BAZ2A: variants seen among roughly 807,000 people sequenced by gnomAD.
BAZ2A encodes bromodomain adjacent to zinc finger domain protein 2A.
A neutral mutation model predicts 199.9 loss-of-function variants in BAZ2A; 34 were observed. That is an observed-to-expected ratio of 0.17 (90% CI 0.13 to 0.23). The LOEUF (loss-of-function observed/expected upper bound fraction) is 0.23, where lower values mean the gene tolerates loss of function less well. Among genes scored for constraint, BAZ2A ranks in the 10% least tolerant of loss-of-function variants. The pLI is 1.00. For missense variants in BAZ2A, 2,002 were observed against 2,391.1 expected (o/e 0.84, Z 3.39); for synonymous variants, 857 against 883.9 (o/e 0.97, Z 0.54).
intron 12 of BAZ2A, 43 bp from the exon 13 acceptor site, chr12:56,606,106 A>C (rs1179582231): frequency 1.3e-6 from 2 of 1,551,146 alleles, no homozygotes; most frequent in Admixed American, 2.0e-5. Context: ...TAAAGATATC[A>C]GTCACTATCC....
At chr12:56,625,403 G>A (rs183356160) in intron 1 of BAZ2A, among the ~76,000 whole-genome samples, 65 of 151,940 alleles carry the variant, frequency 4.3e-4, no homozygotes, top group African/African-American at 1.4e-3. Context: ...TGATCCGCAC[G>A]CCTCAGCCTC....
At chr12:56,636,447 G>T, upstream of BAZ2A, 1 of 1,203,782 alleles carries the variant, frequency 8.3e-7, no homozygotes, top group Non-Finnish European at 1.1e-6. Context: ...GCGAGGACAG[G>T]GCAGACCAGG....
intron 10 of BAZ2A, among the ~76,000 whole-genome samples, chr12:56,607,923 A>C (rs540046336): frequency 6.6e-6 from 1 of 152,114 alleles, no homozygotes; most frequent in Non-Finnish European, 1.5e-5. Context: ...TCTACTAAAA[A>C]TACAAAATTA....
intron 1 of BAZ2A, among the ~76,000 whole-genome samples, chr12:56,622,354 A>G (rs995487029): frequency 6.6e-6 from 1 of 152,082 alleles, no homozygotes; most frequent in Non-Finnish European, 1.5e-5. Flanking sequence ...AAAAAAAGAT[A>G]ATCAGGTCTA....
At position 56,595,905 on chromosome 12, in the gene BAZ2A, A is replaced by G. The variant is rs955227362; in HGVS notation, c.*2713T>C. On this transcript the variant is annotated 3_prime_UTR_variant, in exon 29 of 29. Coordinates refer to ENST00000549884, the MANE Select transcript of BAZ2A (RefSeq NM_001300905.2). ...CTCCCCCTCAGGTGTGTAGAAGGGA[A>G]GATGAATACACAGAGTCTTTTGAAT... 4.3e-5 allele frequency: 3 copies of G among 70,464 alleles called. No individual in the cohort carries two copies. Among genetic ancestry groups the G allele is most frequent in the African/African-American group, 1.5e-4 (3 of 20,218 alleles). 4.4% of individuals were successfully genotyped at this position (70,464 alleles called of 1,614,324 possible). A position where few individuals can be genotyped will look rare whatever the true frequency, so the allele number is the denominator to read the frequency against.
At chr12:56,600,144 A>C (rs1886300030) in intron 24 of BAZ2A, 48 bp from the exon 25 acceptor site, 3 of 1,612,400 alleles carry the variant, frequency 1.9e-6, no homozygotes, top group Non-Finnish European at 2.5e-6. Context: ...GATCCACTAA[A>C]GAGGGAACTT....
In BAZ2A at chr12:56,611,627, A is replaced by T; in HGVS notation, c.1616T>A (p.Val539Asp). The change falls in exon 7 of 29, where the codon GTC (valine) becomes GAC (aspartate). Residue 539 changes from valine (V) to aspartate (D), a missense_variant. By Grantham distance (152) the Val-to-Asp change is radical. Transcript: ENST00000549884. ...EGLTASGSGDVMRRRIATPEE... is the reference protein window; with the variant it reads ...EGLTASGSGDDMRRRIATPEE... ...TGGGGTAGCAATACGTCTCCTCATG[A>T]CATCACCTTGGGAGGAAGGGATACC... is the stretch of plus-strand genomic sequence containing the variant. 5.0e-6 allele frequency: 8 copies of T among 1,606,348 alleles called. No individual in the cohort carries two copies. Among genetic ancestry groups the T allele is most frequent in the Non-Finnish European group, 6.8e-6 (8 of 1,177,414 alleles).
At chr12:56,610,281 C>T in intron 8 of BAZ2A, 66 bp from the exon 9 acceptor site, 1 of 1,593,474 alleles carries the variant, frequency 6.3e-7, no homozygotes, top group East Asian at 2.2e-5. Context: ...CCAGCAAAGG[C>T]ATAAGCAGAA....
intron 7 of BAZ2A, chr12:56,611,219 GT>G (rs1285586974): frequency 2.8e-6 from 1 of 359,308 alleles, no homozygotes; most frequent in Non-Finnish European, 5.1e-6. Context: ...CAATTCATTA[GT>G]ACTAAGTCAC....
intron 16 of BAZ2A, 83 bp from the exon 17 acceptor site, chr12:56,603,783 C>A: frequency 6.7e-7 from 1 of 1,483,460 alleles, no homozygotes; most frequent in Non-Finnish European, 9.2e-7. Flanking sequence ...GAGGCCAAGA[C>A]AGGCGGATCA....
rs1885781430 is a variant in BAZ2A, at chr12:56,596,043, CT to C, written c.*2574del. 1 of 148,130 alleles carries C rather than the reference CT, an allele frequency of 6.8e-6. No homozygotes were observed. Among genetic ancestry groups the C allele is most frequent in the Non-Finnish European group, 1.5e-5 (1 of 66,872 alleles). The allele number at this position is 148,130 out of a possible 1,614,324, so 9.2% of individuals were successfully genotyped here. ...AGTTTTTTCGCTAGACTTTTTTTTT[CT>C]TTTTAACCTTATTAAAAATGAGATT... On this transcript the variant is annotated 3_prime_UTR_variant, in exon 29 of 29. Coordinates refer to ENST00000549884, the MANE Select transcript of BAZ2A (RefSeq NM_001300905.2).
At chr12:56,603,055 A>G (rs1184929864) in intron 18 of BAZ2A, among the ~76,000 whole-genome samples, 198 bp from the exon 19 acceptor site, 1 of 152,218 alleles carries the variant, frequency 6.6e-6, no homozygotes, top group East Asian at 1.9e-4. Context: ...AGGCCAAGGC[A>G]GGTGGATTGC....
intron 1 of BAZ2A, among the ~76,000 whole-genome samples, chr12:56,629,310 G>A (rs1162748666): frequency 1.3e-5 from 2 of 152,154 alleles, no homozygotes; most frequent in Non-Finnish European, 2.9e-5. Context: ...AAGGACAACT[G>A]CTATTGACAT....
upstream of BAZ2A, among the ~76,000 whole-genome samples, chr12:56,633,848 G>A (rs1275487775): frequency 6.6e-6 from 1 of 152,074 alleles, no homozygotes; most frequent in Non-Finnish European, 1.5e-5. Flanking sequence ...AGCCTGCCAG[G>A]TTCAAGCGAT....
In BAZ2A at chr12:56,611,945, G is replaced by A. The variant is rs759160325; in HGVS notation, c.1437C>T (p.Ser479=). The change falls in exon 6 of 29, where the codon TCC becomes TCT. Residue 479 remains serine, a synonymous_variant. Coordinates refer to ENST00000549884, the MANE Select transcript of BAZ2A (RefSeq NM_001300905.2). The part of the protein sequence containing the change: ...PASSAVLPAV[S]LEVPLTASVT... ...CTGAAGCCGTCAACGGGACTTCTAA[G>A]GAGACTGCTGGGAGGACTGCTGAGG... 6 of 1,612,928 alleles carry A rather than the reference G, an allele frequency of 3.7e-6. No homozygotes were observed. The highest frequency in any genetic ancestry group is 4.2e-6 in the Non-Finnish European group (5 of 1,179,494).
chr12:56,631,370 G>A (rs1951306499), upstream of BAZ2A, among the ~76,000 whole-genome samples: 1 of 150,076 alleles, frequency 6.7e-6, no homozygotes, highest in African/African-American at 2.5e-5. Flanking sequence ...AGAATCGCTT[G>A]AACCTGGGAG....
chr12:56,614,934 T>C, intron 3 of BAZ2A, 80 bp downstream of exon 3: 2 of 1,412,194 alleles, frequency 1.4e-6, no homozygotes, highest in African/African-American at 2.8e-5. Context: ...GAAAGACAAG[T>C]TTTTCTCACC....
chr12:56,603,777 C>T, intron 16 of BAZ2A, 77 bp from the exon 17 acceptor site: 1 of 1,520,596 alleles, frequency 6.6e-7, no homozygotes. Flanking sequence ...CTTTGGGAGG[C>T]CAAGACAGGC....
At chr12:56,631,972 G>C (rs1039095417), upstream of BAZ2A, among the ~76,000 whole-genome samples, 1 of 152,154 alleles carries the variant, frequency 6.6e-6, no homozygotes, top group Admixed American at 6.6e-5. Flanking sequence ...CTCACAGAGT[G>C]TGTGGGCCAC....
Sources: allele counts gnomAD v4.1 joint callset (sites outside exome capture counted in the v4.1 genomes callset), GRCh38; gene constraint gnomAD v4.1.1; transcripts MANE v1.5; gene names NCBI Gene and HGNC (gene_info 2026-07-23, HGNC 2026-07-21).